Variants in ROBO2 observed in about 807,000 individuals in gnomAD.
ROBO2 encodes roundabout homolog 2.
A neutral mutation model predicts 160.8 loss-of-function variants in ROBO2; 53 were observed. The observed-to-expected ratio is 0.33, with a 90% CI of 0.26 to 0.41. ROBO2 has a LOEUF of 0.41. ROBO2 is among the 10% of genes least tolerant of loss of function. ROBO2 has a pLI of 1.00. For synonymous variants in ROBO2, 664 were observed against 611.7 expected (o/e 1.09, Z -1.26); for missense variants, 1,577 against 1,722.4 (o/e 0.92, Z 1.49).
intron 2 of ROBO2, among the ~76,000 whole-genome samples, chr3:76,767,302 T>C (rs2061627091): frequency 6.6e-6 from 1 of 151,628 alleles, no homozygotes; most frequent in East Asian, 2.0e-4. Flanking sequence ...AGAACTGAAA[T>C]ATTTCACTTT....
At chr3:76,295,340 C>T (rs1218686585) in intron 2 of ROBO2, among the ~76,000 whole-genome samples, 2 of 151,988 alleles carry the variant, frequency 1.3e-5, no homozygotes, top group African/African-American at 4.8e-5. Context: ...GGACTATGCC[C>T]ATAGAGAGTC....
chr3:77,158,925 C>T (rs982709259), intron 2 of ROBO2, among the ~76,000 whole-genome samples: 11 of 152,044 alleles, frequency 7.2e-5, no homozygotes, highest in Non-Finnish European at 1.6e-4. Flanking sequence ...CACATTTTCA[C>T]CGTTTACCCT....
chr3:77,189,759 A>G (rs1222516168), intron 2 of ROBO2, among the ~76,000 whole-genome samples: 3 of 151,980 alleles, frequency 2.0e-5, no homozygotes, highest in East Asian at 3.8e-4. Context: ...CTGTAGTTGT[A>G]TCTTTACTTA....
chr3:77,126,697 GAT>G (rs148247989), intron 2 of ROBO2, among the ~76,000 whole-genome samples: 22 of 141,820 alleles, frequency 1.6e-4, no homozygotes, highest in Non-Finnish European at 1.8e-4. Context: ...AATATGGGTG[GAT>G]ATATATATAT....
intron 2 of ROBO2, among the ~76,000 whole-genome samples, chr3:76,894,165 A>C (rs1173073985): frequency 1.3e-5 from 2 of 152,104 alleles, no homozygotes; most frequent in African/African-American, 4.8e-5. Context: ...TGCTTCACTA[A>C]ACCTATTACC....
chr3:76,394,382 A>C (rs1437423067), intron 2 of ROBO2, among the ~76,000 whole-genome samples: 1 of 152,044 alleles, frequency 6.6e-6, no homozygotes, highest in Admixed American at 6.6e-5. Flanking sequence ...TCCTTCACTT[A>C]TGAAGCTTAG....
At chr3:76,737,842 A>C (rs970138259) in intron 2 of ROBO2, among the ~76,000 whole-genome samples, 4 of 86,782 alleles carry the variant, frequency 4.6e-5, no homozygotes, top group Non-Finnish European at 9.4e-5. Flanking sequence ...ATCCTGTGAG[A>C]ACAGTATTAT....
chr3:75,986,757 T>C (rs2065426469), intron 2 of ROBO2, among the ~76,000 whole-genome samples: 1 of 151,756 alleles, frequency 6.6e-6, no homozygotes, highest in Non-Finnish European at 1.5e-5. Flanking sequence ...TTCATTATTT[T>C]ATATGTGATT....
At chr3:77,471,927 A>G (rs1046541045) in intron 2 of ROBO2, among the ~76,000 whole-genome samples, 1 of 152,144 alleles carries the variant, frequency 6.6e-6, no homozygotes, top group Non-Finnish European at 1.5e-5. Context: ...GGATGCGCCA[A>G]TTTCCCCTGG....
chr3:76,236,232 A>T (rs1254086405), intron 2 of ROBO2, among the ~76,000 whole-genome samples: 2 of 152,142 alleles, frequency 1.3e-5, no homozygotes, highest in African/African-American at 4.8e-5. Context: ...TTTAAAGTGT[A>T]AATAACTAAA....
At chr3:77,040,760 A>C (rs774941745) in exon 1 of ROBO2, 2 of 1,613,992 alleles carry the variant, frequency 1.2e-6, no homozygotes, top group Non-Finnish European at 1.7e-6. Flanking sequence ...TTCTTAAAGA[A>C]TCTGGATCCT....
intron 2 of ROBO2, among the ~76,000 whole-genome samples, chr3:77,225,911 T>G (rs2086443443): frequency 6.6e-6 from 1 of 152,038 alleles, no homozygotes; most frequent in Non-Finnish European, 1.5e-5. Flanking sequence ...AGATGTTTAA[T>G]TTAGGACAGC....
chr3:76,838,740 C>A (rs772114497), intron 2 of ROBO2, among the ~76,000 whole-genome samples: 1 of 151,920 alleles, frequency 6.6e-6, no homozygotes, highest in Non-Finnish European at 1.5e-5. Context: ...GTAAGGGCTC[C>A]GAAAGTGGAA....
intron 2 of ROBO2, among the ~76,000 whole-genome samples, chr3:76,082,777 A>G (rs779905530): frequency 9.9e-5 from 15 of 152,076 alleles, no homozygotes; most frequent in Non-Finnish European, 2.1e-4. Flanking sequence ...GTCATTTTTT[A>G]TATCTTTTGA....
intron 2 of ROBO2, among the ~76,000 whole-genome samples, chr3:76,056,878 T>C (rs1490432004): frequency 6.6e-6 from 1 of 152,174 alleles, no homozygotes; most frequent in Non-Finnish European, 1.5e-5. Context: ...TTTGGACATA[T>C]GTTAATAGTA....
chr3:77,386,554 G>A (rs906924106), intron 2 of ROBO2, among the ~76,000 whole-genome samples: 4 of 130,346 alleles, frequency 3.1e-5, no homozygotes, highest in Admixed American at 1.6e-4. Context: ...ATTAAAATAT[G>A]TTTTTCTAAC....
chr3:76,955,747 T>C (rs1310726980), intron 2 of ROBO2, among the ~76,000 whole-genome samples: 3 of 152,080 alleles, frequency 2.0e-5, no homozygotes, highest in Admixed American at 6.6e-5. Flanking sequence ...AATACAAACA[T>C]AGATTTAGAA....
intron 2 of ROBO2, among the ~76,000 whole-genome samples, chr3:76,074,648 G>A (rs2068583586): frequency 6.6e-6 from 1 of 152,138 alleles, no homozygotes; most frequent in East Asian, 1.9e-4. Context: ...GGATCCATAT[G>A]TTAGGTTAAA....
chr3:76,066,449 A>ATATTTG (rs2068257134), intron 2 of ROBO2, among the ~76,000 whole-genome samples: 2 of 152,126 alleles, frequency 1.3e-5, no homozygotes, highest in Admixed American at 6.6e-5. Context: ...ATGAAACCAA[A>ATATTTG]TATTTTTTAT....
Sources: allele counts gnomAD v4.1 joint callset (sites outside exome capture counted in the v4.1 genomes callset), GRCh38; gene constraint gnomAD v4.1.1; transcripts MANE v1.5; gene names NCBI Gene and HGNC (gene_info 2026-07-23, HGNC 2026-07-21).